PDE1C: variants seen among roughly 807,000 people sequenced by gnomAD.
The protein encoded by PDE1C is dual specificity calcium/calmodulin-dependent 3',5'-cyclic nucleotide phosphodiesterase 1C.
PDE1C carries 62 observed loss-of-function variants against 93.1 expected under a neutral mutation model. The observed-to-expected ratio is 0.67, with a 90% CI of 0.54 to 0.82. The LOEUF is 0.82. Ranked by LOEUF, PDE1C falls within the 40% of genes least tolerant of loss-of-function variation. The pLI is 0.00. For missense variants in PDE1C, 742 were observed against 884.6 expected, an observed-to-expected ratio of 0.84 and a Z score of 2.04; for synonymous variants, 325 against 310.1, an observed-to-expected ratio of 1.05 and a Z score of -0.50.
chr7:32,141,497 C>T (rs1006341356), intron 3 of PDE1C, among the ~76,000 whole-genome samples: 8 of 152,320 alleles, frequency 5.3e-5, no homozygotes, highest in African/African-American at 1.9e-4. Flanking sequence ...GAGGAGAGAA[C>T]TTCACTTCTG....
chr7:32,394,056 T>A (rs763004803), intron 1 of PDE1C, among the ~76,000 whole-genome samples: 3 of 152,218 alleles, frequency 2.0e-5, no homozygotes, highest in Non-Finnish European at 2.9e-5. Flanking sequence ...AGATCAGTCA[T>A]TGTACAAAGC....
the PDE1C span, among the ~76,000 whole-genome samples, chr7:31,718,306 A>G: frequency 0.034 from 5,226 of 152,198 alleles, 340 homozygotes; most frequent in African/African-American, 0.12. Context: ...GGGCCCACCA[A>G]GAGATTGATG....
intron 9 of PDE1C, among the ~76,000 whole-genome samples, chr7:31,846,630 G>C (rs185553922): frequency 8.5e-5 from 13 of 152,200 alleles, no homozygotes; most frequent in African/African-American, 3.1e-4. Flanking sequence ...TTGACAAATG[G>C]GATGTAATTA....
chr7:31,817,442 G>C (rs1788407377), intron 14 of PDE1C, among the ~76,000 whole-genome samples: 1 of 152,170 alleles, frequency 6.6e-6, no homozygotes, highest in Non-Finnish European at 1.5e-5. Context: ...GCAGGGTTCA[G>C]ATCATGCAGG....
At chr7:31,655,819 C>T in the PDE1C span, 30 of 985,430 alleles carry the variant, frequency 3.0e-5, no homozygotes, top group African/African-American at 1.9e-4. Flanking sequence ...ATGTAGACTC[C>T]GAGCTCTCCT....
the PDE1C span, among the ~76,000 whole-genome samples, chr7:31,715,257 G>C: frequency 7.2e-6 from 1 of 139,082 alleles, no homozygotes; most frequent in African/African-American, 2.6e-5. Flanking sequence ...TTTTTTTTTT[G>C]AGAAAAAGTC....
intron 3 of PDE1C, among the ~76,000 whole-genome samples, chr7:31,880,472 G>A (rs1362733380): frequency 2.6e-5 from 4 of 152,088 alleles, no homozygotes; most frequent in African/African-American, 9.7e-5. Flanking sequence ...AATCTTAGTG[G>A]ATTTTTAAAA....
chr7:31,763,577 A>G (rs1162185207), intron 17 of PDE1C, among the ~76,000 whole-genome samples: 1 of 152,200 alleles, frequency 6.6e-6, no homozygotes, highest in East Asian at 1.9e-4. Context: ...CTTTTTTAAA[A>G]TGAGAATAGT....
chr7:31,681,683 C>G, the PDE1C span, among the ~76,000 whole-genome samples: 1 of 152,136 alleles, frequency 6.6e-6, no homozygotes, highest in Non-Finnish European at 1.5e-5. Context: ...TCCCTAACAC[C>G]AGGAACACCA....
At chr7:32,297,040 G>A (rs991185384) in intron 1 of PDE1C, among the ~76,000 whole-genome samples, 13 of 152,182 alleles carry the variant, frequency 8.5e-5, no homozygotes, top group African/African-American at 2.4e-4. Flanking sequence ...GAGAGTGGAA[G>A]ACGTGGAAAG....
At chr7:31,859,131 A>G (rs1794371935) in intron 7 of PDE1C, among the ~76,000 whole-genome samples, 1 of 149,294 alleles carries the variant, frequency 6.7e-6, no homozygotes. Flanking sequence ...ATATATATAT[A>G]CTATATATAT....
At chr7:32,424,194 G>T (rs1785486593) in intron 1 of PDE1C, among the ~76,000 whole-genome samples, 1 of 152,140 alleles carries the variant, frequency 6.6e-6, no homozygotes, top group Admixed American at 6.5e-5. Flanking sequence ...CACGGGCTTT[G>T]GTACATTATC....
intron 1 of PDE1C, among the ~76,000 whole-genome samples, chr7:32,062,558 A>C (rs933767061): frequency 4.6e-5 from 7 of 152,192 alleles, no homozygotes; most frequent in African/African-American, 1.7e-4. Context: ...TTCATGTCTC[A>C]GCATGCGTCT....
chr7:32,374,160 G>GAGAAAGAAAGAA (rs764590020), intron 1 of PDE1C, among the ~76,000 whole-genome samples: 2 of 38,898 alleles, frequency 5.1e-5, no homozygotes, highest in African/African-American at 2.6e-4. Flanking sequence ...AAGAAAGAAA[G>GAGAAAGAAAGAA]AGAAAGAAAG....
At chr7:31,655,971 C>A in the PDE1C span, 71 of 985,436 alleles carry the variant, frequency 7.2e-5, no homozygotes, top group Non-Finnish European at 8.6e-5. Context: ...CAATTCTATT[C>A]CCCTAAACCA....
intron 1 of PDE1C, among the ~76,000 whole-genome samples, chr7:32,063,484 G>A (rs1177879481): frequency 2.0e-5 from 3 of 152,164 alleles, no homozygotes; most frequent in East Asian, 3.9e-4. Context: ...ACTGACAGAG[G>A]AATGCTGTAA....
chr7:31,770,075 T>C lies in PDE1C; in HGVS notation c.1960+5589A>G, dbSNP rs534117408. Among the ~76,000 whole-genome samples the C allele has an allele frequency of 7.9e-5, 12 of 152,334 alleles. No individual in the cohort carries two copies. In the East Asian group the frequency reaches 2.3e-3, roughly 29 times the overall value. On this transcript the variant is annotated intron_variant, in intron 17 of 17. Transcript: ENST00000396191. ...CACATCTTCACCATCACTTGTTATT[T>C]CATTTGTTTTATTATTATTATAGCA...
chr7:32,170,343 C>G (rs1165940688), intron 2 of PDE1C, among the ~76,000 whole-genome samples: 1 of 152,158 alleles, frequency 6.6e-6, no homozygotes, highest in East Asian at 1.9e-4. Flanking sequence ...TTGCTGAAGC[C>G]CAAGACTCCA....
At chr7:32,090,259 A>T (rs564400992) in intron 3 of PDE1C, among the ~76,000 whole-genome samples, 1 of 152,334 alleles carries the variant, frequency 6.6e-6, no homozygotes, top group Admixed American at 6.5e-5. Context: ...AGAGCATAGA[A>T]TTATGCTGAG....
Sources: gnomAD v4.1 joint callset for allele counts (sites outside exome capture counted in the v4.1 genomes callset) on GRCh38, gnomAD v4.1.1 for gene constraint, MANE v1.5 for transcripts, NCBI Gene and HGNC (gene_info 2026-07-23, HGNC 2026-07-21) for gene names.